Variants in ADGRL2 observed in about 807,000 individuals in gnomAD.
ADGRL2 encodes the protein calcium-independent alpha-latrotoxin receptor 2.
A neutral mutation model predicts 157.4 loss-of-function variants in ADGRL2; 44 were observed. That is an observed-to-expected ratio of 0.28 (90% CI 0.22 to 0.36). The LOEUF is 0.36. Ranked by LOEUF, ADGRL2 falls within the 10% of genes least tolerant of loss-of-function variation. The pLI is 1.00. For missense variants in ADGRL2, 1,510 were observed against 1,768.9 expected, an observed-to-expected ratio of 0.85 and a Z score of 2.63; for synonymous variants, 585 against 624.7, an observed-to-expected ratio of 0.94 and a Z score of 0.95.
At chr1:81,479,464 G>C (rs1250976346) in intron 2 of ADGRL2, among the ~76,000 whole-genome samples, 4 of 152,008 alleles carry the variant, frequency 2.6e-5, no homozygotes, top group African/African-American at 9.7e-5. Context: ...GAGTACAACA[G>C]AGTGAGACTC....
At chr1:81,744,615 T>C (rs1471839384) in intron 1 of ADGRL2, among the ~76,000 whole-genome samples, 1 of 152,126 alleles carries the variant, frequency 6.6e-6, no homozygotes, top group Non-Finnish European at 1.5e-5. Flanking sequence ...CTGAGAAAGA[T>C]CTTAGTGTTC....
At chr1:81,587,185 A>G (rs1476568653) in intron 3 of ADGRL2, among the ~76,000 whole-genome samples, 2 of 152,126 alleles carry the variant, frequency 1.3e-5, no homozygotes, top group African/African-American at 4.8e-5. Flanking sequence ...TACAAAGACA[A>G]ATCACATGAT....
intron 3 of ADGRL2, among the ~76,000 whole-genome samples, chr1:81,679,377 A>G (rs766684138): frequency 6.6e-6 from 1 of 151,222 alleles, no homozygotes; most frequent in Non-Finnish European, 1.5e-5. Flanking sequence ...TAATGAGGAC[A>G]GGTCTTCCAG....
chr1:81,738,337 T>G (rs2084968824), intron 1 of ADGRL2, among the ~76,000 whole-genome samples: 1 of 152,178 alleles, frequency 6.6e-6, no homozygotes, highest in Non-Finnish European at 1.5e-5. Flanking sequence ...ACTCAGCAAC[T>G]ATTGAAGAAG....
At chr1:81,707,732 C>T (rs903336288) in intron 1 of ADGRL2, among the ~76,000 whole-genome samples, 2 of 152,130 alleles carry the variant, frequency 1.3e-5, no homozygotes, top group African/African-American at 4.8e-5. Context: ...ACAAATACCA[C>T]CATATTACCT....
chr1:81,432,708 G>A (rs1275263048), intron 1 of ADGRL2, among the ~76,000 whole-genome samples: 1 of 152,126 alleles, frequency 6.6e-6, no homozygotes, highest in Non-Finnish European at 1.5e-5. Context: ...TTTTCAGACA[G>A]GAGGTCAAGC....
At chr1:81,393,596 G>T (rs1443311281) in intron 1 of ADGRL2, among the ~76,000 whole-genome samples, 1 of 152,052 alleles carries the variant, frequency 6.6e-6, no homozygotes, top group African/African-American at 2.4e-5. Context: ...TAATTTAGCA[G>T]CAGGGAAGGA....
intron 3 of ADGRL2, among the ~76,000 whole-genome samples, chr1:81,680,607 T>C (rs767202778): frequency 6.6e-6 from 1 of 152,026 alleles, no homozygotes; most frequent in Non-Finnish European, 1.5e-5. Context: ...AAGGCAGCCT[T>C]CTTCTACTTG....
chr1:81,595,318 C>T (rs916884995), intron 3 of ADGRL2, among the ~76,000 whole-genome samples: 1 of 152,190 alleles, frequency 6.6e-6, no homozygotes, highest in African/African-American at 2.4e-5. Context: ...CAATTCTTAA[C>T]TGTACCTTCC....
At chr1:81,694,973 GATAC>G (rs1360061466), upstream of ADGRL2, among the ~76,000 whole-genome samples, 1 of 151,856 alleles carries the variant, frequency 6.6e-6, no homozygotes, top group Non-Finnish European at 1.5e-5. Context: ...TATTTTTATT[GATAC>G]ATATATTTAT....
At chr1:81,667,134 A>G (rs1318628231) in intron 3 of ADGRL2, among the ~76,000 whole-genome samples, 1 of 152,184 alleles carries the variant, frequency 6.6e-6, no homozygotes. Flanking sequence ...AGACGAATTC[A>G]TGACTCTAAC....
intron 1 of ADGRL2, chr1:81,722,491 T>C: frequency 1.3e-6 from 2 of 1,554,814 alleles, no homozygotes; most frequent in Non-Finnish European, 1.7e-6. Context: ...AGAAGCCAAA[T>C]GCTGCCATCC....
At chr1:81,822,356 T>G (rs1356064305) in intron 1 of ADGRL2, among the ~76,000 whole-genome samples, 2 of 151,706 alleles carry the variant, frequency 1.3e-5, no homozygotes, top group African/African-American at 4.8e-5. Context: ...TGTTAAGAAG[T>G]TGTGCAAGAA....
intron 2 of ADGRL2, among the ~76,000 whole-genome samples, chr1:81,474,391 G>A (rs1000998089): frequency 7.9e-5 from 12 of 152,184 alleles, no homozygotes; most frequent in African/African-American, 2.9e-4. Flanking sequence ...CATAGTGGGT[G>A]TACAATAAAT....
At chr1:81,905,095 T>A (rs950219451) in intron 2 of ADGRL2, among the ~76,000 whole-genome samples, 1 of 151,706 alleles carries the variant, frequency 6.6e-6, no homozygotes, top group African/African-American at 2.4e-5. Flanking sequence ...TTTTCCTTAC[T>A]ATACTTTTTT....
At chr1:81,666,218 C>A (rs1214587427) in intron 3 of ADGRL2, among the ~76,000 whole-genome samples, 1 of 152,074 alleles carries the variant, frequency 6.6e-6, no homozygotes, top group Non-Finnish European at 1.5e-5. Flanking sequence ...TCCGTGTGGC[C>A]CATAGATGAC....
chr1:81,334,239 A>G (rs978848731), intron 1 of ADGRL2, among the ~76,000 whole-genome samples: 1 of 152,168 alleles, frequency 6.6e-6, no homozygotes, highest in Non-Finnish European at 1.5e-5. Flanking sequence ...CATCTTCCCC[A>G]TATCTTGGTT....
rs556420326 is a variant in ADGRL2, at chr1:81,442,595, T to A, written c.-301-2441T>A. 1.5e-4 allele frequency among the ~76,000 whole-genome samples: 23 copies of A among 152,314 alleles called. No homozygotes were observed. In the South Asian group the frequency reaches 4.6e-3, roughly 30 times the overall value. On this transcript the variant is annotated intron_variant, in intron 1 of 24. Coordinates refer to the ADGRL2 transcript ENST00000370721. ...ATAAGTCTATGTAGGAAATTTTCCTTTGTTACCTGTCATAGAACCTTTACA... is the reference window on the plus strand; with the variant it reads ...ATAAGTCTATGTAGGAAATTTTCCTATGTTACCTGTCATAGAACCTTTACA...
In ADGRL2 at chr1:81,991,428, A is replaced by G. The variant is rs1474271400; in HGVS notation, c.*283A>G. 4 of 252,046 alleles carry G rather than the reference A, an allele frequency of 1.6e-5. No homozygotes were observed. The highest frequency in any genetic ancestry group is 4.8e-5 in the Admixed American group (1 of 20,854). 15.6% of individuals were successfully genotyped at this position (252,046 alleles called of 1,614,324 possible). On this transcript the variant is annotated 3_prime_UTR_variant, in exon 24 of 24. Coordinates refer to ENST00000686636, the MANE Select transcript of ADGRL2 (RefSeq NM_001366006.2). ...TGCTGCTGTTTAGAGAAATTGTGAAACAAGCAAAACAAAACTTTCCAGCCA... is the reference window on the plus strand; with the variant it reads ...TGCTGCTGTTTAGAGAAATTGTGAAGCAAGCAAAACAAAACTTTCCAGCCA...
Sources: allele counts gnomAD v4.1 joint callset (sites outside exome capture counted in the v4.1 genomes callset), GRCh38; gene constraint gnomAD v4.1.1; transcripts MANE v1.5; gene names NCBI Gene and HGNC (gene_info 2026-07-23, HGNC 2026-07-21).